The following MACROD2 variants were observed in gnomAD, a reference collection of about 807,000 sequenced individuals.
MACROD2 encodes ADP-ribose glycohydrolase MACROD2.
A neutral mutation model predicts 70.4 loss-of-function variants in MACROD2; 36 were observed. The ratio of observed to expected loss-of-function variants is 0.51; its 90% confidence interval spans 0.39 to 0.68. The LOEUF is 0.68. MACROD2 is among the 30% of genes least tolerant of loss of function. The pLI is 0.00. For missense variants in MACROD2, 496 were observed against 538.4 expected, an observed-to-expected ratio of 0.92 and a Z score of 0.78; for synonymous variants, 172 against 178.8, an observed-to-expected ratio of 0.96 and a Z score of 0.30.
chr20:16,020,222 C>T (rs929052421), intron 15 of MACROD2, among the ~76,000 whole-genome samples: 2 of 152,068 alleles, frequency 1.3e-5, no homozygotes, highest in South Asian at 2.1e-4. Context: ...AAACTCCAGC[C>T]GTCTTAAACT....
intron 3 of MACROD2, among the ~76,000 whole-genome samples, chr20:14,350,706 TTG>T (rs2083115667): frequency 6.6e-6 from 1 of 152,204 alleles, no homozygotes; most frequent in South Asian, 2.1e-4. Flanking sequence ...TTTCTGTGGG[TTG>T]TCTCTTCACT....
chr20:14,970,781 G>A (rs1177596399), intron 5 of MACROD2, among the ~76,000 whole-genome samples: 3 of 152,056 alleles, frequency 2.0e-5, no homozygotes, highest in African/African-American at 7.2e-5. Flanking sequence ...CTCTTCAGTA[G>A]CTGGAACGAC....
At chr20:15,495,421 G>A (rs1214142685) in intron 7 of MACROD2, among the ~76,000 whole-genome samples, 1 of 152,158 alleles carries the variant, frequency 6.6e-6, no homozygotes, top group East Asian at 1.9e-4. Flanking sequence ...ATCTTCCTAT[G>A]AGGAACTAGA....
chr20:15,388,325 C>T (rs553594734), intron 6 of MACROD2, among the ~76,000 whole-genome samples: 9 of 152,142 alleles, frequency 5.9e-5, no homozygotes, highest in Middle Eastern at 3.4e-3. Flanking sequence ...ATGTTTTGGT[C>T]TGGAACGTGG....
At chr20:14,978,563 C>T (rs1376338038) in intron 5 of MACROD2, among the ~76,000 whole-genome samples, 4 of 151,658 alleles carry the variant, frequency 2.6e-5, no homozygotes, top group Non-Finnish European at 5.9e-5. Context: ...TCATTATTAG[C>T]CACAAACTAG....
intron 8 of MACROD2, among the ~76,000 whole-genome samples, chr20:15,723,139 A>G (rs2146937754): frequency 6.6e-6 from 1 of 152,266 alleles, no homozygotes; most frequent in Non-Finnish European, 1.5e-5. Flanking sequence ...TTATTTTTAG[A>G]GCATTTTTAG....
intron 6 of MACROD2, among the ~76,000 whole-genome samples, chr20:15,358,419 C>G (rs1337499188): frequency 1.3e-5 from 2 of 150,696 alleles, no homozygotes; most frequent in African/African-American, 2.4e-5. Flanking sequence ...ATAATCCTAA[C>G]TGTTCCTGGA....
intron 5 of MACROD2, among the ~76,000 whole-genome samples, chr20:15,165,274 G>A (rs774185170): frequency 6.6e-6 from 1 of 152,112 alleles, no homozygotes; most frequent in Non-Finnish European, 1.5e-5. Context: ...TGGCCAACGT[G>A]GTAAAACCCC....
chr20:15,678,362 TC>T (rs2050102077), intron 8 of MACROD2, among the ~76,000 whole-genome samples: 1 of 146,308 alleles, frequency 6.8e-6, no homozygotes, highest in Non-Finnish European at 1.5e-5. Flanking sequence ...CAAGGCCCCA[TC>T]TTTTTTTTTT....
intron 6 of MACROD2, among the ~76,000 whole-genome samples, chr20:15,399,841 G>A (rs2045906634): frequency 6.6e-6 from 1 of 152,130 alleles, no homozygotes; most frequent in Admixed American, 6.5e-5. Flanking sequence ...GGCCTCCAAG[G>A]ACTCTTCCCA....
At chr20:15,112,182 A>G (rs1290094710) in intron 5 of MACROD2, among the ~76,000 whole-genome samples, 1 of 152,124 alleles carries the variant, frequency 6.6e-6, no homozygotes, top group Non-Finnish European at 1.5e-5. Flanking sequence ...GATTTCTCTT[A>G]TCTGTGATTT....
At chr20:15,607,066 G>T (rs975151891) in intron 8 of MACROD2, among the ~76,000 whole-genome samples, 28 of 151,444 alleles carry the variant, frequency 1.8e-4, no homozygotes, top group African/African-American at 6.3e-4. Context: ...CTATTATCCC[G>T]GCACTTTGGG....
chr20:15,871,501 T>C (rs982819329), intron 9 of MACROD2, among the ~76,000 whole-genome samples: 3 of 152,230 alleles, frequency 2.0e-5, no homozygotes, highest in African/African-American at 7.2e-5. Flanking sequence ...GTTCTTGTAA[T>C]AGTCCTGAAG....
chr20:14,848,387 A>G (rs182510219), intron 5 of MACROD2, among the ~76,000 whole-genome samples: 5 of 152,296 alleles, frequency 3.3e-5, no homozygotes, highest in Admixed American at 2.0e-4. Context: ...AGATCTTCTC[A>G]AGGCATCCTC....
chr20:14,304,944 T>G (rs183952324), intron 3 of MACROD2, among the ~76,000 whole-genome samples: 131 of 152,292 alleles, frequency 8.6e-4, no homozygotes, highest in Non-Finnish European at 1.8e-3. Flanking sequence ...CTAATGCTCT[T>G]CCACTAGTTG....
At chr20:15,227,555 A>C (rs889232017) in intron 5 of MACROD2, among the ~76,000 whole-genome samples, 1 of 152,194 alleles carries the variant, frequency 6.6e-6, no homozygotes, top group Non-Finnish European at 1.5e-5. Context: ...GTTTAGAAGC[A>C]GTGGGGAAGG....
At chr20:15,374,915 A>G (rs749233533) in intron 6 of MACROD2, among the ~76,000 whole-genome samples, 78 of 152,332 alleles carry the variant, frequency 5.1e-4, no homozygotes, top group Admixed American at 1.6e-3. Flanking sequence ...ACTAGTGCGC[A>G]GTAAAGACCA....
intron 7 of MACROD2, among the ~76,000 whole-genome samples, chr20:15,435,818 G>A (rs563546927): frequency 2.6e-5 from 4 of 152,224 alleles, no homozygotes; most frequent in South Asian, 2.1e-4. Flanking sequence ...CCATTGTGGC[G>A]AATGGGAGGG....
intron 5 of MACROD2, among the ~76,000 whole-genome samples, chr20:14,844,004 C>G (rs1027609414): frequency 2.0e-5 from 3 of 152,088 alleles, no homozygotes; most frequent in African/African-American, 7.2e-5. Context: ...GTCCTGCCTC[C>G]ATTAGTTCAC....
Sources: gnomAD v4.1 joint callset for allele counts (sites outside exome capture counted in the v4.1 genomes callset) on GRCh38, gnomAD v4.1.1 for gene constraint, MANE v1.5 for transcripts, NCBI Gene and HGNC (gene_info 2026-07-23, HGNC 2026-07-21) for gene names.